The following EDNRA variants were observed in gnomAD, a reference collection of about 807,000 sequenced individuals.
EDNRA encodes endothelin-1 receptor.
Under a neutral mutation model 41.4 loss-of-function variants are expected in EDNRA, and 11 were observed. The observed-to-expected ratio is 0.27, with a 90% CI of 0.17 to 0.44. The LOEUF is 0.44. Ranked by LOEUF, EDNRA falls within the 20% of genes least tolerant of loss-of-function variation. EDNRA has a pLI of 1.00. For missense variants in EDNRA, 294 were observed against 531.0 expected (o/e 0.55, Z 4.39); for synonymous variants, 172 against 183.0 (o/e 0.94, Z 0.49).
At chr4:147,524,513 G>A (rs1336656135) in intron 3 of EDNRA, among the ~76,000 whole-genome samples, 3 of 151,750 alleles carry the variant, frequency 2.0e-5, no homozygotes, top group Non-Finnish European at 4.4e-5. Flanking sequence ...AGGAAGGAGG[G>A]AAGGAAAAGA....
chr4:147,507,193 C>CA (rs1183686365), intron 2 of EDNRA, among the ~76,000 whole-genome samples: 1 of 148,286 alleles, frequency 6.7e-6, no homozygotes, highest in Non-Finnish European at 1.5e-5. Flanking sequence ...AATAAAAAGC[C>CA]AAAGTTCCTT....
chr4:147,508,661 TA>T (rs1415665525), intron 2 of EDNRA, among the ~76,000 whole-genome samples: 3 of 152,244 alleles, frequency 2.0e-5, no homozygotes, highest in Non-Finnish European at 2.9e-5. Flanking sequence ...GCATCTAAGT[TA>T]TTTTTTTGCA....
intron 3 of EDNRA, among the ~76,000 whole-genome samples, chr4:147,523,718 C>A (rs1322404087): frequency 6.6e-6 from 1 of 152,004 alleles, no homozygotes; most frequent in Non-Finnish European, 1.5e-5. Context: ...TTTCGATCTC[C>A]TGATCTCGTG....
rs1560910811 is a variant in EDNRA at position 147,523,500 on chromosome 4, T to TTTG, written c.548+3524_548+3525insGTT. Among the ~76,000 whole-genome samples the TTTG allele has an allele frequency of 6.8e-4, 101 of 148,948 alleles. 4 individuals carry two copies. In the South Asian group the frequency reaches 0.019, roughly 28 times the overall value. ...TTGTTGTTTTTTTGTTTTTTTTGTT[T>TTTG]TTTTTTTTGAGATGGAGTCTTGCTC... On this transcript the variant is annotated intron_variant, in intron 3 of 7. Coordinates refer to ENST00000651419, the MANE Select transcript of EDNRA (RefSeq NM_001957.4).
chr4:147,512,241 C>T (rs963741146), intron 2 of EDNRA, among the ~76,000 whole-genome samples: 1 of 152,190 alleles, frequency 6.6e-6, no homozygotes, highest in Non-Finnish European at 1.5e-5. Flanking sequence ...TCTTGATTCC[C>T]AGGCTTCAGG....
At chr4:147,493,490 G>A (rs1729208471) in intron 2 of EDNRA, 2 of 152,158 alleles carry the variant, frequency 1.3e-5, no homozygotes, top group Non-Finnish European at 2.9e-5. Context: ...TGAGACTGGA[G>A]TGGTTAAATA....
Position 147,539,969 on chromosome 4 carries a change from G to T in EDNRA, c.1034+19G>T, listed in dbSNP as rs10305924. ...TACTTAGGTATGATCCTGTGTACTC[G>T]CTAGAAAATTGGAGTTTCTCAGATT... On this transcript the variant is annotated intron_variant, in intron 6 of 7. Transcript: ENST00000651419. The T allele has an allele frequency of 2.9e-5, 46 of 1,560,842 alleles. No individual in the cohort carries two copies. Among genetic ancestry groups the T allele is most frequent in the African/African-American group, 1.8e-4 (13 of 71,782 alleles).
chr4:147,513,117 C>G (rs1268413463), intron 2 of EDNRA, among the ~76,000 whole-genome samples: 1 of 152,148 alleles, frequency 6.6e-6, no homozygotes, highest in Non-Finnish European at 1.5e-5. Flanking sequence ...CAGTCTGCCC[C>G]CAAGGAATCC....
intron 2 of EDNRA, among the ~76,000 whole-genome samples, chr4:147,505,518 T>A (rs1471572442): frequency 6.6e-6 from 1 of 151,208 alleles, no homozygotes; most frequent in African/African-American, 2.4e-5. Context: ...ATTTTTGTAT[T>A]TTTAGTAGAG....
intron 2 of EDNRA, chr4:147,491,039 C>G (rs1729120840): frequency 6.6e-6 from 1 of 152,150 alleles, no homozygotes; most frequent in Admixed American, 6.5e-5. Flanking sequence ...CCACGTAAAT[C>G]ACGTCTCCAC....
At chr4:147,527,119 A>G (rs1730582719) in intron 3 of EDNRA, among the ~76,000 whole-genome samples, 1 of 152,230 alleles carries the variant, frequency 6.6e-6, no homozygotes, top group African/African-American at 2.4e-5. Flanking sequence ...ATAAGAATAA[A>G]TAATAAATTC....
intron 2 of EDNRA, chr4:147,494,904 C>G (rs1729256396): frequency 6.6e-6 from 1 of 152,098 alleles, no homozygotes; most frequent in South Asian, 2.1e-4. Flanking sequence ...GCTTGTAATC[C>G]CAACACCTAG....
Position 147,542,457 on chromosome 4 carries a change from C to A in EDNRA, c.1144-21C>A, listed in dbSNP as rs569467994. 3 of 1,613,650 alleles carry A rather than the reference C, an allele frequency of 1.9e-6. No homozygotes were observed. In the African/African-American group the frequency reaches 4.0e-5, roughly 22 times the overall value. On this transcript the variant is annotated intron_variant, in intron 7 of 7. Transcript: ENST00000651419. The stretch of plus-strand genomic sequence containing the variant: ...ATGGGCTGGTAGGCTCGCCTTACTT[C>A]GAGTCTGTTCCTTCCCCCAGTCATG...
chr4:147,496,681 T>C (rs922921076), intron 2 of EDNRA, among the ~76,000 whole-genome samples: 13 of 152,242 alleles, frequency 8.5e-5, no homozygotes, highest in African/African-American at 3.1e-4. Context: ...AATCCTATGA[T>C]GCCTGTAGGT....
chr4:147,509,177 A>G (rs1010712758), intron 2 of EDNRA, among the ~76,000 whole-genome samples: 3 of 152,158 alleles, frequency 2.0e-5, no homozygotes, highest in Non-Finnish European at 2.9e-5. Context: ...TTTTCTGCAT[A>G]TTGATCTTGG....
chr4:147,520,047 G>A (rs954965083), intron 3 of EDNRA, 69 bp downstream of exon 3: 1 of 1,549,194 alleles, frequency 6.5e-7, no homozygotes, highest in Admixed American at 2.0e-5. Context: ...AAGAAGAAAA[G>A]TCAAGAGAAT....
At chr4:147,503,336 C>A (rs1048899837) in intron 2 of EDNRA, among the ~76,000 whole-genome samples, 1 of 151,940 alleles carries the variant, frequency 6.6e-6, no homozygotes, top group Non-Finnish European at 1.5e-5. Flanking sequence ...TTGTCCTGAG[C>A]GAGCTAAGTG....
Position 147,544,881 on chromosome 4 carries a change from G to C in EDNRA, c.*2263G>C, listed in dbSNP as rs2126495429. 6.6e-6 allele frequency: 1 copy of C among 152,668 alleles called. No homozygotes were observed. The highest frequency in any genetic ancestry group is 1.9e-4 in the East Asian group (1 of 5,188). The allele number at this position is 152,668 out of a possible 1,614,324, so 9.5% of individuals were successfully genotyped here. ...CATCTTTTCAACAAGTAACTTTGTA[G>C]AAATGAGCCAGAAGCCAAGGCCCTG... On this transcript the variant is annotated 3_prime_UTR_variant, in exon 8 of 8. Coordinates refer to ENST00000651419, the MANE Select transcript of EDNRA (RefSeq NM_001957.4).
intron 4 of EDNRA, among the ~76,000 whole-genome samples, chr4:147,534,503 T>C (rs896692199): frequency 6.6e-6 from 1 of 152,220 alleles, no homozygotes; most frequent in Non-Finnish European, 1.5e-5. Context: ...TATTATTTCC[T>C]TCTATTATGA....
Sources: gnomAD v4.1 joint callset for allele counts (sites outside exome capture counted in the v4.1 genomes callset) on GRCh38, gnomAD v4.1.1 for gene constraint, MANE v1.5 for transcripts, NCBI Gene and HGNC (gene_info 2026-07-23, HGNC 2026-07-21) for gene names.